GLDN: variants seen among roughly 807,000 people sequenced by gnomAD.
GLDN encodes collomin.
A neutral mutation model predicts 56.5 loss-of-function variants in GLDN; 47 were observed. The observed-to-expected ratio is 0.83, with a 90% confidence interval of 0.66 to 1.06. GLDN has a LOEUF of 1.06. GLDN is among the 50% of genes least tolerant of loss of function. The pLI is 0.00. For missense variants in GLDN, 782 were observed against 714.3 expected, an observed-to-expected ratio of 1.09 and a Z score of -1.08; for synonymous variants, 332 against 278.8, an observed-to-expected ratio of 1.19 and a Z score of -1.90.
At chr15:51,368,446 C>T (rs755795864) in intron 1 of GLDN, among the ~76,000 whole-genome samples, 108 of 151,846 alleles carry the variant, frequency 7.1e-4, no homozygotes, top group Non-Finnish European at 1.8e-4. Context: ...ACACTTGCCC[C>T]CCAGGCCGCT....
Position 51,383,880 on chromosome 15 carries a change from A to G in GLDN, c.529A>G (p.Arg177Gly), listed in dbSNP as rs1417315612. ...PKGEKGANGK[R>G]GKMGIPGAAG... The stretch of plus-strand genomic sequence containing the variant: ...AGGAGAAAAAGGAGCAAATGGAAAA[A>G]GAGGAAAAATGGGTATTTTTGGCAA... Residue 177 changes from arginine to glycine, a missense_variant, in exon 4 of 10, where the codon AGA becomes GGA. By Grantham distance (125) the Arg-to-Gly change is moderately radical. Transcript: ENST00000335449. 4 of 1,608,584 alleles carry G rather than the reference A, an allele frequency of 2.5e-6. No individual in the cohort carries two copies. The highest frequency in any genetic ancestry group is 3.4e-6 in the Non-Finnish European group (4 of 1,177,522).
intron 1 of GLDN, among the ~76,000 whole-genome samples, chr15:51,363,907 A>G (rs1378849423): frequency 6.6e-6 from 1 of 152,214 alleles, no homozygotes. Flanking sequence ...GCACTTAAAA[A>G]TGTTACTCTA....
At position 51,356,031 on chromosome 15, in the gene GLDN, C is replaced by A. The variant is rs1390211835; in HGVS notation, c.363+13984C>A. Among the ~76,000 whole-genome samples the A allele has an allele frequency of 2.0e-5, 3 of 150,564 alleles. No individual in the cohort carries two copies. The South Asian group carries it at 6.4e-4, about 32-fold the overall frequency. ...GACCATCCTGGCTAACATGGTGAAA[C>A]CCCGTCTCTACTAAAAATACAAAAG... On this transcript the variant is annotated intron_variant, in intron 1 of 9. Coordinates refer to ENST00000335449, the MANE Select transcript of GLDN (RefSeq NM_181789.4).
At chr15:51,348,631 G>T (rs2037021691) in intron 1 of GLDN, among the ~76,000 whole-genome samples, 1 of 152,052 alleles carries the variant, frequency 6.6e-6, no homozygotes, top group South Asian at 2.1e-4. Flanking sequence ...ACTGTGTCTA[G>T]CCTGATTTTT....
intron 1 of GLDN, among the ~76,000 whole-genome samples, chr15:51,365,334 G>C (rs2037379249): frequency 1.3e-5 from 2 of 151,538 alleles, no homozygotes; most frequent in African/African-American, 4.9e-5. Context: ...TAATTTGCAA[G>C]TGCTCTTTAT....
chr15:51,399,859 G>A (rs958450253), intron 6 of GLDN, among the ~76,000 whole-genome samples: 1 of 152,200 alleles, frequency 6.6e-6, no homozygotes, highest in African/African-American at 2.4e-5. Flanking sequence ...GAAGGCATCA[G>A]CAAGCCTCTC....
Position 51,341,683 on chromosome 15 carries a change from G to T in GLDN, c.-2G>T. 1 of 1,415,502 alleles carries T rather than the reference G, an allele frequency of 7.1e-7. No individual in the cohort carries two copies. 87.7% of individuals were successfully genotyped at this position (1,415,502 alleles called of 1,614,324 possible). ...CCCTGCCCTGCCCAAGGCGCATAGA[G>T]CATGGCCCGAGGCGCTGAGGGAGGC... On this transcript the variant is annotated 5_prime_UTR_variant, in exon 1 of 10. Transcript: ENST00000335449.
chr15:51,380,199 C>T (rs1437497002), intron 2 of GLDN, among the ~76,000 whole-genome samples: 5 of 152,174 alleles, frequency 3.3e-5, no homozygotes, highest in African/African-American at 1.2e-4. Flanking sequence ...CATTGGACTT[C>T]ACTTACACAA....
At position 51,377,452 on chromosome 15, in the gene GLDN, C is replaced by A; in HGVS notation, c.367C>A (p.Arg123=). ...GATGACCCTCTCTCCCCTGCAGATC[C>A]GAGTGATGGTGGACCTGTGCAACAG... ...MMMTYSMVPI[R]VMVDLCNSTK... is the part of the protein sequence containing the mutation. The change falls in exon 2 of 10, where the codon CGA becomes AGA. Residue 123 remains arginine, a synonymous_variant. Coordinates refer to ENST00000335449, the MANE Select transcript of GLDN (RefSeq NM_181789.4). 6.2e-7 allele frequency: 1 copy of A among 1,613,834 alleles called. No homozygotes were observed. Among genetic ancestry groups the A allele is most frequent in the Non-Finnish European group, 8.5e-7 (1 of 1,179,762 alleles).
chr15:51,400,943 A>C (rs1340391250), intron 8 of GLDN, among the ~76,000 whole-genome samples: 2 of 152,192 alleles, frequency 1.3e-5, no homozygotes, highest in Non-Finnish European at 2.9e-5. Flanking sequence ...GAGAAGGTGA[A>C]GTTCCACCTT....
chr15:51,410,895 C>T (rs2038458168), downstream of GLDN, among the ~76,000 whole-genome samples: 1 of 152,164 alleles, frequency 6.6e-6, no homozygotes, highest in African/African-American at 2.4e-5. Flanking sequence ...GGCTTTGGTG[C>T]TGGATCACTC....
intron 1 of GLDN, among the ~76,000 whole-genome samples, chr15:51,365,322 A>G (rs1370712929): frequency 6.6e-6 from 1 of 151,764 alleles, no homozygotes; most frequent in African/African-American, 2.4e-5. Context: ...TCTTTTCTTT[A>G]CTAATTTGCA....
At chr15:51,364,215 C>T (rs1448833142) in intron 1 of GLDN, among the ~76,000 whole-genome samples, 1 of 152,156 alleles carries the variant, frequency 6.6e-6, no homozygotes, top group Non-Finnish European at 1.5e-5. Flanking sequence ...GGGTATTGGG[C>T]TACTTGAAGT....
In GLDN at chr15:51,341,970, C is replaced by G. The variant is rs758917816; in HGVS notation, c.286C>G (p.His96Asp). ...PASSARNKRS[H>D]SGEPAPHIRA... ...CAGCTCAGCTCGCAACAAGCGCAGC[C>G]ACAGCGGCGAGCCCGCGCCGCATAT... The change falls in exon 1 of 10, where the codon CAC becomes GAC. Residue 96 changes from histidine to aspartate, a missense_variant. Transcript: ENST00000335449. 7.5e-6 allele frequency: 12 copies of G among 1,597,670 alleles called. No homozygotes were observed. The Admixed American group carries it at 2.0e-4, about 27-fold the overall frequency.
chr15:51,359,702 C>T (rs558184073), intron 1 of GLDN, among the ~76,000 whole-genome samples: 56 of 152,258 alleles, frequency 3.7e-4, no homozygotes, highest in South Asian at 1.9e-3. Flanking sequence ...CTCAGCCAGG[C>T]GCGGTGGCTC....
intron 9 of GLDN, 30 bp downstream of exon 9, chr15:51,401,773 C>G: frequency 6.2e-7 from 1 of 1,602,190 alleles, no homozygotes; most frequent in East Asian, 2.2e-5. Context: ...CTTCTCACGC[C>G]TCTCAGGCAG....
At chr15:51,401,569 C>G in intron 8 of GLDN, 24 bp from the exon 9 acceptor site, 1 of 1,602,758 alleles carries the variant, frequency 6.2e-7, no homozygotes, top group East Asian at 2.2e-5. Context: ...AGGTAACAGC[C>G]TCTCCCTGGC....
chr15:51,344,244 G>A (rs556546899), intron 1 of GLDN, among the ~76,000 whole-genome samples: 112 of 152,284 alleles, frequency 7.4e-4, no homozygotes, highest in Non-Finnish European at 1.3e-3. Context: ...ACAGCCTGGG[G>A]ATGGAGTGCT....
intron 1 of GLDN, among the ~76,000 whole-genome samples, chr15:51,349,025 A>G (rs771995979): frequency 1.3e-5 from 2 of 152,168 alleles, no homozygotes; most frequent in Admixed American, 6.5e-5. Context: ...CTAAAAATCA[A>G]TTCCATCTTC....
Sources: gnomAD v4.1 joint callset for allele counts (sites outside exome capture counted in the v4.1 genomes callset) on GRCh38, gnomAD v4.1.1 for gene constraint, MANE v1.5 for transcripts, NCBI Gene and HGNC (gene_info 2026-07-23, HGNC 2026-07-21) for gene names.